ARHGAP42: variants seen among roughly 807,000 people sequenced by gnomAD.
ARHGAP42 encodes the protein rho GTPase-activating protein 42.
A neutral mutation model predicts 125.0 loss-of-function variants in ARHGAP42; 63 were observed. That is an observed-to-expected ratio of 0.50 (90% CI 0.41 to 0.62). The LOEUF (loss-of-function observed/expected upper bound fraction) is 0.62. ARHGAP42 is among the 20% of genes least tolerant of loss of function. The pLI is 0.00. For missense variants in ARHGAP42, 766 were observed against 1,024.2 expected, an observed-to-expected ratio of 0.75 and a Z score of 3.44; for synonymous variants, 339 against 351.0, an observed-to-expected ratio of 0.97 and a Z score of 0.38.
At chr11:100,743,669 G>A (rs929593178) in intron 1 of ARHGAP42, among the ~76,000 whole-genome samples, 1 of 152,078 alleles carries the variant, frequency 6.6e-6, no homozygotes, top group Non-Finnish European at 1.5e-5. Context: ...TTTTCCAAAC[G>A]TTTTGCTTTC....
At chr11:100,830,486 A>C (rs1864639820) in intron 3 of ARHGAP42, among the ~76,000 whole-genome samples, 1 of 152,010 alleles carries the variant, frequency 6.6e-6, no homozygotes, top group African/African-American at 2.4e-5. Context: ...CCGCAGCGTC[A>C]GCCTCGCCTG....
intron 1 of ARHGAP42, among the ~76,000 whole-genome samples, chr11:100,761,827 T>C (rs915903761): frequency 3.3e-5 from 5 of 152,258 alleles, no homozygotes; most frequent in Admixed American, 2.6e-4. Flanking sequence ...TGAGAATCAG[T>C]ATTTCAAGTT....
At chr11:100,729,054 C>T (rs1266012219) in intron 1 of ARHGAP42, among the ~76,000 whole-genome samples, 2 of 151,506 alleles carry the variant, frequency 1.3e-5, no homozygotes, top group East Asian at 2.0e-4. Context: ...CAGGTGTGAG[C>T]CACTGCACGC....
At chr11:100,909,030 C>T (rs1866833420) in intron 4 of ARHGAP42, among the ~76,000 whole-genome samples, 2 of 152,112 alleles carry the variant, frequency 1.3e-5, no homozygotes, top group Admixed American at 6.5e-5. Context: ...TGTGTGTCTT[C>T]TCTTGAGAAG....
intron 17 of ARHGAP42, among the ~76,000 whole-genome samples, chr11:100,967,925 C>T (rs1219791192): frequency 2.6e-5 from 4 of 151,892 alleles, no homozygotes; most frequent in Non-Finnish European, 5.9e-5. Flanking sequence ...GGTTTCACCA[C>T]GTTGGCCAGG....
intron 3 of ARHGAP42, among the ~76,000 whole-genome samples, chr11:100,803,510 G>A (rs1863914732): frequency 6.6e-6 from 1 of 152,174 alleles, no homozygotes; most frequent in Non-Finnish European, 1.5e-5. Context: ...CTCCTAGGGA[G>A]ACATTAGATC....
intron 1 of ARHGAP42, among the ~76,000 whole-genome samples, chr11:100,709,030 T>A (rs1861520705): frequency 6.6e-6 from 1 of 152,136 alleles, no homozygotes; most frequent in Non-Finnish European, 1.5e-5. Flanking sequence ...GTCAATCTGC[T>A]ACCTGAGACA....
chr11:100,738,136 CAAG>C (rs749384915), intron 1 of ARHGAP42, among the ~76,000 whole-genome samples: 27 of 152,168 alleles, frequency 1.8e-4, no homozygotes, highest in Non-Finnish European at 2.9e-4. Context: ...TTCTGTGAGT[CAAG>C]AAAATATCGT....
At chr11:100,962,612 C>T in intron 16 of ARHGAP42, 145 bp downstream of exon 16, 3 of 707,462 alleles carry the variant, frequency 4.2e-6, no homozygotes, top group South Asian at 4.2e-5. Context: ...TGCGGTGGCT[C>T]AAACCTGTAA....
intron 4 of ARHGAP42, among the ~76,000 whole-genome samples, chr11:100,878,490 G>A (rs778192455): frequency 6.6e-6 from 1 of 152,102 alleles, no homozygotes; most frequent in Non-Finnish European, 1.5e-5. Flanking sequence ...AGATTCCTCA[G>A]CAATTGTTTT....
intron 4 of ARHGAP42, among the ~76,000 whole-genome samples, chr11:100,871,538 T>A (rs1246226415): frequency 1.5e-5 from 2 of 131,940 alleles, no homozygotes; most frequent in Non-Finnish European, 3.3e-5. Flanking sequence ...GGAGGGAGAC[T>A]GTTTCTTAAA....
intron 4 of ARHGAP42, among the ~76,000 whole-genome samples, chr11:100,883,772 T>C (rs1866017761): frequency 6.6e-6 from 1 of 152,202 alleles, no homozygotes; most frequent in South Asian, 2.1e-4. Flanking sequence ...AAATGAAATA[T>C]ACCAGAAATA....
chr11:100,875,263 C>T (rs1780884322), intron 4 of ARHGAP42, among the ~76,000 whole-genome samples: 1 of 151,270 alleles, frequency 6.6e-6, no homozygotes, highest in Non-Finnish European at 1.5e-5. Context: ...AGTTTTCAGA[C>T]TTTATTTCAC....
At chr11:100,760,977 A>G (rs1289621132) in intron 1 of ARHGAP42, among the ~76,000 whole-genome samples, 1 of 152,130 alleles carries the variant, frequency 6.6e-6, no homozygotes, top group Non-Finnish European at 1.5e-5. Flanking sequence ...TGCTTGGCAA[A>G]CAGTGGGAAG....
Position 100,929,564 on chromosome 11 carries a change from A to G in ARHGAP42, c.598-3592A>G, listed in dbSNP as rs576632603. Among the ~76,000 whole-genome samples the G allele has an allele frequency of 2.6e-5, 4 of 152,318 alleles. No individual in the cohort carries two copies. The East Asian group carries it at 7.7e-4, about 29-fold the overall frequency. On this transcript the variant is annotated intron_variant, in intron 6 of 23. Coordinates refer to ENST00000298815, the MANE Select transcript of ARHGAP42 (RefSeq NM_152432.4). ...GGGATACAGTTTCTCCATGTCCCTC[A>G]CACACACTTGCTATTATCTCACTTT...
chr11:100,809,164 G>A (rs1253741669), intron 3 of ARHGAP42, among the ~76,000 whole-genome samples: 7 of 152,072 alleles, frequency 4.6e-5, no homozygotes, highest in African/African-American at 7.2e-5. Flanking sequence ...CTTCCACATG[G>A]TGAGTCATAA....
chr11:100,896,594 G>C (rs975083592), intron 4 of ARHGAP42, among the ~76,000 whole-genome samples: 2 of 152,198 alleles, frequency 1.3e-5, no homozygotes, highest in Admixed American at 6.5e-5. Context: ...GACTAGTGAT[G>C]ATGAGCATTT....
At chr11:100,986,914 G>A (rs888075729) in intron 22 of ARHGAP42, among the ~76,000 whole-genome samples, 3 of 151,912 alleles carry the variant, frequency 2.0e-5, no homozygotes, top group African/African-American at 7.3e-5. Context: ...GTTGGGAGCT[G>A]AGTGGTTGGC....
At chr11:100,954,131 T>C (rs1288141648) in intron 12 of ARHGAP42, among the ~76,000 whole-genome samples, 1 of 152,138 alleles carries the variant, frequency 6.6e-6, no homozygotes, top group Non-Finnish European at 1.5e-5. Context: ...TCTCAATTGG[T>C]GCCCTGAGCC....
Sources: gnomAD v4.1 joint callset for allele counts (sites outside exome capture counted in the v4.1 genomes callset) on GRCh38, gnomAD v4.1.1 for gene constraint, MANE v1.5 for transcripts, NCBI Gene and HGNC (gene_info 2026-07-23, HGNC 2026-07-21) for gene names.